Variants in FGF12 observed in about 807,000 individuals in gnomAD.
FGF12 encodes fibroblast growth factor 12B.
Under a neutral mutation model 23.6 loss-of-function variants are expected in FGF12, and 14 were observed. That is an observed-to-expected ratio of 0.59 (90% CI 0.39 to 0.93). The LOEUF (loss-of-function observed/expected upper bound fraction) is 0.93, where lower values mean the gene tolerates loss of function less well. Ranked by LOEUF, FGF12 falls within the 40% of genes least tolerant of loss-of-function variation. The probability of loss-of-function intolerance (pLI) is 0.00; values close to 1 mark genes in which losing one functional copy is unlikely to be tolerated. For missense variants in FGF12, 175 were observed against 217.8 expected (o/e 0.80, Z 1.24); for synonymous variants, 62 against 77.3 (o/e 0.80, Z 1.04).
intron 2 of FGF12, among the ~76,000 whole-genome samples, chr3:192,396,046 A>T (rs1447358824): frequency 6.6e-6 from 1 of 152,186 alleles, no homozygotes; most frequent in Non-Finnish European, 1.5e-5. Flanking sequence ...TTGATGATAC[A>T]ATAATAAACT....
intron 2 of FGF12, among the ~76,000 whole-genome samples, chr3:192,531,776 T>C (rs963825825): frequency 6.6e-6 from 1 of 152,240 alleles, no homozygotes; most frequent in Non-Finnish European, 1.5e-5. Context: ...CGCTTGATGC[T>C]GTCACTGACA....
rs540690403 is a variant in FGF12, at chr3:192,262,888, C to G, written c.228+72473G>C. Among the ~76,000 whole-genome samples, 292 of 151,968 alleles carry G rather than the reference C, an allele frequency of 1.9e-3. 1 individual carries two copies. Among genetic ancestry groups the G allele is most frequent in the African/African-American group, 6.7e-3 (279 of 41,460 alleles). On this transcript the variant is annotated intron_variant, in intron 4 of 5. Transcript: ENST00000445105. ...CTACTCCCCCATACACACACACACA[C>G]GCATCCTGCAGAAAGGGAGAGAGAA...
At chr3:192,569,621 A>G (rs1427682182) in intron 2 of FGF12, among the ~76,000 whole-genome samples, 1 of 152,218 alleles carries the variant, frequency 6.6e-6, no homozygotes, top group African/African-American at 2.4e-5. Context: ...CTGAAGTAAG[A>G]TTTATCGCAG....
chr3:192,618,477 A>G (rs902891244), intron 2 of FGF12, among the ~76,000 whole-genome samples: 3 of 152,074 alleles, frequency 2.0e-5, no homozygotes, highest in East Asian at 3.9e-4. Flanking sequence ...GGAAGGAAGG[A>G]AGGGAGGAGA....
At chr3:192,669,752 A>G (rs964690896) in intron 2 of FGF12, among the ~76,000 whole-genome samples, 3 of 151,382 alleles carry the variant, frequency 2.0e-5, no homozygotes, top group Admixed American at 6.6e-5. Flanking sequence ...TCATTTTCTT[A>G]TGATAATGTG....
chr3:192,180,256 G>C (rs1297572300), intron 4 of FGF12, among the ~76,000 whole-genome samples: 1 of 152,206 alleles, frequency 6.6e-6, no homozygotes, highest in African/African-American at 2.4e-5. Context: ...CCAGAAGACT[G>C]TAAGTATAGA....
intron 2 of FGF12, among the ~76,000 whole-genome samples, chr3:192,568,535 GTC>G (rs1266067968): frequency 6.6e-6 from 1 of 152,132 alleles, no homozygotes; most frequent in East Asian, 1.9e-4. Context: ...AGCGTTCTTG[GTC>G]TAAGAGGAAA....
rs77942229 is a variant in FGF12 at position 192,686,457 on chromosome 3, G to A, written c.13+40724C>T. On this transcript the variant is annotated intron_variant, in intron 2 of 5. Transcript: ENST00000445105. Reference sequence around the variant, plus strand: ...CAACCCCAAAAAGTGTCCAGTTTGGGCACCCACCATTCTATCTCACCGACC... The same window carrying A: ...CAACCCCAAAAAGTGTCCAGTTTGGACACCCACCATTCTATCTCACCGACC... 4.6e-3 allele frequency among the ~76,000 whole-genome samples: 707 copies of A among 152,098 alleles called. 6 individuals carry two copies. The highest frequency in any genetic ancestry group is 0.015 in the African/African-American group (638 of 41,454).
At chr3:192,467,982 G>A (rs1332503503) in intron 2 of FGF12, among the ~76,000 whole-genome samples, 1 of 152,162 alleles carries the variant, frequency 6.6e-6, no homozygotes, top group East Asian at 1.9e-4. Flanking sequence ...CTCGGCAGAG[G>A]ATGAAAGGGC....
intron 2 of FGF12, among the ~76,000 whole-genome samples, chr3:192,442,321 A>C (rs1314195398): frequency 1.3e-5 from 2 of 152,218 alleles, no homozygotes; most frequent in Non-Finnish European, 2.9e-5. Flanking sequence ...TTGTGGATGA[A>C]AGCTGCTTCC....
intron 2 of FGF12, among the ~76,000 whole-genome samples, chr3:192,633,068 CAG>C: frequency 6.6e-6 from 1 of 152,196 alleles, no homozygotes; most frequent in East Asian, 1.9e-4. Flanking sequence ...TTTGTTGAGG[CAG>C]AGTCTCGCCC....
chr3:192,540,521 A>AT lies in FGF12; in HGVS notation c.14-179984dup, dbSNP rs558915990. Among the ~76,000 whole-genome samples, 498 of 152,074 alleles carry AT rather than the reference A, an allele frequency of 3.3e-3. 5 individuals are homozygous for AT. The highest frequency in any genetic ancestry group is 0.011 in the African/African-American group (476 of 41,504). Reference sequence around the variant, plus strand: ...CAGAAGATACGTGATATAACTTCCAATTTTTTTAATGTTTTAAGACTTGTT... The same window carrying AT: ...CAGAAGATACGTGATATAACTTCCAATTTTTTTTAATGTTTTAAGACTTGTT... On this transcript the variant is annotated intron_variant, in intron 2 of 5. Coordinates refer to ENST00000445105, the MANE Select transcript of FGF12 (RefSeq NM_004113.6).
intron 2 of FGF12, among the ~76,000 whole-genome samples, chr3:192,631,007 A>T (rs1715372996): frequency 6.6e-6 from 1 of 152,102 alleles, no homozygotes; most frequent in South Asian, 2.1e-4. Context: ...TTTGCCTCAT[A>T]ACACAATTTA....
At chr3:192,657,282 T>C (rs1233167674) in intron 2 of FGF12, among the ~76,000 whole-genome samples, 1 of 152,146 alleles carries the variant, frequency 6.6e-6, no homozygotes, top group East Asian at 1.9e-4. Context: ...TTAGAGCAAA[T>C]GAAATATTCA....
chr3:192,406,293 A>G (rs1720953945), intron 2 of FGF12, among the ~76,000 whole-genome samples: 1 of 151,718 alleles, frequency 6.6e-6, no homozygotes, highest in South Asian at 2.1e-4. Flanking sequence ...ATATCCACCT[A>G]TCATTCTTAT....
intron 2 of FGF12, among the ~76,000 whole-genome samples, chr3:192,388,585 C>T (rs1194068453): frequency 1.3e-5 from 2 of 151,536 alleles, no homozygotes; most frequent in Non-Finnish European, 2.9e-5. Context: ...AGATATATAA[C>T]TTATAATCAC....
intron 4 of FGF12, among the ~76,000 whole-genome samples, chr3:192,229,681 G>A (rs1718921162): frequency 6.6e-6 from 1 of 151,980 alleles, no homozygotes; most frequent in Non-Finnish European, 1.5e-5. Context: ...ATTTCTATGA[G>A]CAATTTATAA....
chr3:192,195,722 ATATATATGTATGTATGTG>A (rs1717031757), intron 4 of FGF12, among the ~76,000 whole-genome samples: 1 of 152,168 alleles, frequency 6.6e-6, no homozygotes, highest in Non-Finnish European at 1.5e-5. Context: ...GTGTGTGTGT[ATATATATGTATGTATGTG>A]TATATATGTA....
At chr3:192,627,355 T>C (rs1372873080) in intron 2 of FGF12, among the ~76,000 whole-genome samples, 5 of 152,070 alleles carry the variant, frequency 3.3e-5, no homozygotes, top group Non-Finnish European at 7.4e-5. Context: ...ATGTAGGTTA[T>C]TTTTAGTTTT....
Sources: gnomAD v4.1 joint callset for allele counts (sites outside exome capture counted in the v4.1 genomes callset) on GRCh38, gnomAD v4.1.1 for gene constraint, MANE v1.5 for transcripts, NCBI Gene and HGNC (gene_info 2026-07-23, HGNC 2026-07-21) for gene names.